The following BLMH variants were observed in gnomAD, a reference collection of about 807,000 sequenced individuals.
BLMH encodes bleomycin hydrolase.
In BLMH, 32 loss-of-function variants were observed where a neutral mutation model predicts 61.6. The ratio of observed to expected loss-of-function variants is 0.52; its 90% CI spans 0.39 to 0.70. The LOEUF (loss-of-function observed/expected upper bound fraction) is 0.70, where lower values mean the gene tolerates loss of function less well. Among genes scored for constraint, BLMH ranks in the 30% least tolerant of loss-of-function variants. BLMH has a pLI of 0.00. For synonymous variants in BLMH, 183 were observed against 193.8 expected, an observed-to-expected ratio of 0.94 and a Z score of 0.46; for missense variants, 460 against 555.5, an observed-to-expected ratio of 0.83 and a Z score of 1.73.
chr17:30,279,604 T>A (rs1036897757), intron 6 of BLMH, among the ~76,000 whole-genome samples: 2 of 152,162 alleles, frequency 1.3e-5, no homozygotes, highest in African/African-American at 4.8e-5. Flanking sequence ...ACCTCTCAAG[T>A]CTCATTTTAT....
At chr17:30,288,057 GT>G (rs918377235) in intron 3 of BLMH, 110 bp from the exon 4 acceptor site, 56 of 1,139,680 alleles carry the variant, frequency 4.9e-5, no homozygotes, top group Admixed American at 2.3e-4. Flanking sequence ...CAACATAATA[GT>G]TTTTTTTCTT....
At chr17:30,252,505 T>C (rs1907694239) in intron 11 of BLMH, among the ~76,000 whole-genome samples, 1 of 116,626 alleles carries the variant, frequency 8.6e-6, no homozygotes, top group Admixed American at 1.2e-4. Context: ...AAGACCAGCC[T>C]GGGCAACATG....
chr17:30,273,936 T>C, intron 7 of BLMH, 106 bp downstream of exon 7: 10 of 1,363,762 alleles, frequency 7.3e-6, no homozygotes, highest in Non-Finnish European at 1.0e-5. Context: ...TTGTTTGCTG[T>C]CTAGTTTGAT....
At chr17:30,266,033 C>T (rs527833319) in intron 11 of BLMH, among the ~76,000 whole-genome samples, 4 of 152,154 alleles carry the variant, frequency 2.6e-5, no homozygotes, top group South Asian at 4.2e-4. Flanking sequence ...GTTTAGTCTA[C>T]TTAGTGTAAG....
rs1464245912 is a variant in BLMH, at chr17:30,276,812, C to T, written c.646-2615G>A. Among the ~76,000 whole-genome samples, 4 of 152,326 alleles carry T rather than the reference C, an allele frequency of 2.6e-5. No homozygotes were observed. In the South Asian group the frequency reaches 8.3e-4, roughly 32 times the overall value. On this transcript the variant is annotated intron_variant, in intron 6 of 11. Transcript: ENST00000261714. The stretch of plus-strand genomic sequence containing the variant: ...TGTAACCATCATTCATATCAATATA[C>T]ATAACATTTCCAGGCTCTGGAGGTT...
At chr17:30,261,837 TAAC>T (rs1907967836) in intron 11 of BLMH, among the ~76,000 whole-genome samples, 1 of 152,218 alleles carries the variant, frequency 6.6e-6, no homozygotes, top group Non-Finnish European at 1.5e-5. Context: ...TCTGAATTGA[TAAC>T]ATGTTTCTTT....
chr17:30,287,040 T>C, intron 4 of BLMH, 138 bp from the exon 5 acceptor site: 1 of 594,706 alleles, frequency 1.7e-6, no homozygotes, highest in Non-Finnish European at 2.9e-6. Context: ...TGAAGCAGGG[T>C]TTTTTGTTTT....
intron 5 of BLMH, 111 bp from the exon 6 acceptor site, chr17:30,285,591 G>A (rs193073679): frequency 2.9e-6 from 2 of 693,812 alleles, no homozygotes; most frequent in African/African-American, 3.7e-5. Context: ...CCAGACCCAT[G>A]ACAGAGTTCA....
At chr17:30,251,470 G>A (rs1211002273) in intron 11 of BLMH, among the ~76,000 whole-genome samples, 2 of 152,214 alleles carry the variant, frequency 1.3e-5, no homozygotes, top group African/African-American at 4.8e-5. Context: ...AAGGGCTCCC[G>A]GACTAGCAAT....
chr17:30,289,233 G>A, intron 3 of BLMH, 140 bp downstream of exon 3: 1 of 436,002 alleles, frequency 2.3e-6, no homozygotes, highest in Non-Finnish European at 3.9e-6. Context: ...GTCAACTTTT[G>A]ATACTCTGGA....
intron 9 of BLMH, among the ~76,000 whole-genome samples, chr17:30,271,870 G>A (rs1457284521): frequency 2.6e-5 from 4 of 152,232 alleles, no homozygotes; most frequent in Middle Eastern, 3.4e-3. Context: ...AGAAACAAAA[G>A]GCAAAATACA....
At chr17:30,259,029 G>A (rs1248796597) in intron 11 of BLMH, among the ~76,000 whole-genome samples, 1 of 152,134 alleles carries the variant, frequency 6.6e-6, no homozygotes, top group East Asian at 1.9e-4. Context: ...CCCTAAAGAG[G>A]GTCACCCTTG....
rs968636515 is a variant in BLMH at position 30,289,428 on chromosome 17, T to A, written c.266A>T (p.Lys89Met). Residue 89 changes from lysine (K) to methionine (M), a missense_variant, in exon 3 of 12, where the codon AAG becomes ATG. Physicochemically the swap from Lys to Met is moderately conservative, Grantham distance 95. Around this residue, in one of 5 missense-constraint regions of BLMH, gnomAD observed 43 missense variants for 38.8 expected, o/e 1.11. Transcript: ENST00000261714. ...AAACTCAAATTCTTCAATATTTAAC[T>A]TTTTCATGAATGGAAGCCTCATAAC... is the stretch of plus-strand genomic sequence containing the variant. ...LNVMRLPFMK[K>M]LNIEEFEFSQ... The A allele has an allele frequency of 2.5e-6, 4 of 1,612,548 alleles. No homozygotes were observed. The highest frequency in any genetic ancestry group is 2.5e-6 in the Non-Finnish European group (3 of 1,179,156).
At chr17:30,283,314 T>A (rs1908640174) in intron 6 of BLMH, among the ~76,000 whole-genome samples, 1 of 152,170 alleles carries the variant, frequency 6.6e-6, no homozygotes, top group Non-Finnish European at 1.5e-5. Context: ...GAAAAAAATA[T>A]GTGAAACATA....
At chr17:30,265,394 C>T (rs1908073926) in intron 11 of BLMH, among the ~76,000 whole-genome samples, 1 of 152,130 alleles carries the variant, frequency 6.6e-6, no homozygotes, top group Non-Finnish European at 1.5e-5. Flanking sequence ...TATGGAAGTC[C>T]CATATGCTCA....
At chr17:30,264,617 T>C (rs1908048010) in intron 11 of BLMH, among the ~76,000 whole-genome samples, 1 of 152,230 alleles carries the variant, frequency 6.6e-6, no homozygotes, top group African/African-American at 2.4e-5. Flanking sequence ...TCAAACTCAC[T>C]GACTATTACA....
chr17:30,256,998 T>C (rs979055112), intron 11 of BLMH, among the ~76,000 whole-genome samples: 6 of 152,254 alleles, frequency 3.9e-5, no homozygotes, highest in African/African-American at 9.6e-5. Flanking sequence ...TCCAGAGATG[T>C]TGGATCTGTC....
rs1175830062 is a variant in BLMH at position 30,274,180 on chromosome 17, G to A, written c.663C>T (p.Cys221=). 4 of 1,614,032 alleles carry A rather than the reference G, an allele frequency of 2.5e-6. No homozygotes were observed. Among genetic ancestry groups the A allele is most frequent in the Non-Finnish European group, 3.4e-6 (4 of 1,180,000 alleles). ...VMMEEIFRVV[C]ICLGNPPETF... is the part of the protein sequence containing the mutation. Reference sequence around the variant, plus strand: ...TCTCTGGTGGATTACCCAAACAGATGCACACCACTCGGAATATCTGGAAGA... The same window carrying A: ...TCTCTGGTGGATTACCCAAACAGATACACACCACTCGGAATATCTGGAAGA... Residue 221 remains cysteine, a synonymous_variant, in exon 7 of 12, where the codon TGC becomes TGT. Transcript: ENST00000261714.
intron 11 of BLMH, among the ~76,000 whole-genome samples, chr17:30,260,550 C>A (rs954449182): frequency 6.6e-6 from 1 of 152,094 alleles, no homozygotes; most frequent in Admixed American, 6.6e-5. Flanking sequence ...CAAAGTCATG[C>A]AGGCTTTTTG....
Sources: gnomAD v4.1 joint callset for allele counts (sites outside exome capture counted in the v4.1 genomes callset) on GRCh38, gnomAD v4.1.1 for gene constraint, gnomAD v4.1.1 regional missense constraint, MANE v1.5 for transcripts, NCBI Gene and HGNC (gene_info 2026-07-23, HGNC 2026-07-21) for gene names.